Variants in TVP23A observed in about 807,000 individuals in gnomAD.
TVP23A encodes Golgi apparatus membrane protein TVP23 homolog A.
A neutral mutation model predicts 31.7 loss-of-function variants in TVP23A; 21 were observed. The observed-to-expected ratio is 0.66, with a 90% CI of 0.47 to 0.95. The LOEUF is 0.95. Among genes scored for constraint, TVP23A ranks in the 40% least tolerant of loss-of-function variants. TVP23A has a pLI of 0.00. For missense variants in TVP23A, 279 were observed against 255.6 expected, an observed-to-expected ratio of 1.09 and a Z score of -0.62; for synonymous variants, 104 against 96.0, an observed-to-expected ratio of 1.08 and a Z score of -0.49.
intron 2 of TVP23A, among the ~76,000 whole-genome samples, chr16:10,807,858 G>A (rs768666360): frequency 6.6e-6 from 1 of 152,178 alleles, no homozygotes. Context: ...TCTAGAGCCC[G>A]ATTCCAAGGG....
Position 10,775,111 on chromosome 16 carries a change from A to C in TVP23A, c.90-15T>G. ...CCAAGGGGTGTCTAGGAAAGGACCC[A>C]GAAGGCGCCCTCACTCCAAGAGCTA... On this transcript the variant is annotated splice_polypyrimidine_tract_variant and intron_variant, in intron 2 of 7. Transcript: ENST00000299866. The C allele has an allele frequency of 1.9e-6, 3 of 1,600,964 alleles. No individual in the cohort carries two copies. Among genetic ancestry groups the C allele is most frequent in the Non-Finnish European group, 2.6e-6 (3 of 1,174,090 alleles).
intron 2 of TVP23A, among the ~76,000 whole-genome samples, chr16:10,804,049 A>G (rs924757460): frequency 3.5e-4 from 54 of 152,358 alleles, no homozygotes; most frequent in Non-Finnish European, 6.2e-4. Context: ...AGGAAGCAAG[A>G]GAGCAGCATA....
chr16:10,765,355 A>C (rs903303525), downstream of TVP23A, among the ~76,000 whole-genome samples: 6 of 151,510 alleles, frequency 4.0e-5, no homozygotes, highest in Non-Finnish European at 7.4e-5. This position sits in a 1 kb window ranked among gnomAD's most constrained non-coding sequence, Gnocchi z 4.0. Context: ...AAAAAGGAAA[A>C]AATTCACCCA....
At chr16:10,765,147 G>A (rs1008714612), downstream of TVP23A, 2 of 153,728 alleles carry the variant, frequency 1.3e-5, no homozygotes, top group Non-Finnish European at 2.9e-5. The surrounding 1 kb of genome is among the most constrained non-coding windows in gnomAD (Gnocchi z 4.0). Flanking sequence ...TCCAAGAGGT[G>A]TGTCCTTATG....
intron 2 of TVP23A, among the ~76,000 whole-genome samples, chr16:10,815,789 A>C (rs1267980951): frequency 2.0e-5 from 3 of 152,220 alleles, no homozygotes; most frequent in Non-Finnish European, 4.4e-5. Flanking sequence ...ACTCAATAGA[A>C]ATTGAACACA....
At chr16:10,806,172 G>C (rs1234757050) in intron 2 of TVP23A, among the ~76,000 whole-genome samples, 1 of 152,062 alleles carries the variant, frequency 6.6e-6, no homozygotes, top group African/African-American at 2.4e-5. Flanking sequence ...GTGACTCCTC[G>C]TCTCTACTAA....
chr16:10,774,016 GTTCAGCTC>G lies in TVP23A; in HGVS notation c.324+15_324+22del. Reference sequence around the variant, plus strand: ...ACACCCATTATCCCCGCTCTGGTTAGTTCAGCTCGTCATGGAGAATACCTTCCTGGCTT... The same window carrying G: ...ACACCCATTATCCCCGCTCTGGTTAGGTCATGGAGAATACCTTCCTGGCTT... On this transcript the variant is annotated intron_variant, in intron 4 of 7. Transcript: ENST00000299866. 6.3e-7 allele frequency: 1 copy of G among 1,586,072 alleles called. No individual in the cohort carries two copies. Among genetic ancestry groups the G allele is most frequent in the Non-Finnish European group, 8.6e-7 (1 of 1,159,962 alleles).
At chr16:10,778,060 G>A (rs1285766757) in intron 2 of TVP23A, among the ~76,000 whole-genome samples, 2 of 152,026 alleles carry the variant, frequency 1.3e-5, no homozygotes, top group Non-Finnish European at 2.9e-5. Flanking sequence ...ATCACCAGGT[G>A]TGGTGGCTCA....
At chr16:10,809,003 A>G (rs2034071284) in intron 2 of TVP23A, among the ~76,000 whole-genome samples, 1 of 152,188 alleles carries the variant, frequency 6.6e-6, no homozygotes, top group Non-Finnish European at 1.5e-5. Context: ...GACAGTTTCC[A>G]ACTCCAGGAG....
intron 2 of TVP23A, among the ~76,000 whole-genome samples, chr16:10,791,701 G>A (rs1208538891): frequency 1.3e-5 from 2 of 152,148 alleles, no homozygotes; most frequent in Admixed American, 1.3e-4. Flanking sequence ...TCCGCCTCCT[G>A]GGTTCAAGCG....
chr16:10,761,274 T>A, exon 9 of TVP23A: 2 of 1,167,462 alleles, frequency 1.7e-6, no homozygotes, highest in Non-Finnish European at 2.5e-6. Flanking sequence ...TGATCGCAGA[T>A]CCACTGCATT....
chr16:10,803,343 T>C (rs2033800726), intron 2 of TVP23A, among the ~76,000 whole-genome samples: 1 of 149,402 alleles, frequency 6.7e-6, no homozygotes, highest in South Asian at 2.1e-4. Flanking sequence ...CAAAAACACA[T>C]AAATTGAGCT....
rs2142835787 is a variant in TVP23A, at chr16:10,767,306, T to G, written c.*1796A>C. 1 of 399,206 alleles carries G rather than the reference T, an allele frequency of 2.5e-6. No homozygotes were observed. The highest frequency in any genetic ancestry group is 6.3e-4 in the Middle Eastern group (1 of 1,588). The allele number at this position is 399,206 out of a possible 1,614,324, so 24.7% of individuals were successfully genotyped here. ...TAACATGGTCCTAGAGAAACCTGGGTGTGCATAGGAGGGGACTGGAACAAT... is the reference window on the plus strand; with the variant it reads ...TAACATGGTCCTAGAGAAACCTGGGGGTGCATAGGAGGGGACTGGAACAAT... On this transcript the variant is annotated 3_prime_UTR_variant, in exon 8 of 8. Coordinates refer to ENST00000299866, the MANE Select transcript of TVP23A (RefSeq NM_001079512.4). The surrounding 1 kb of genome is among the most constrained non-coding windows in gnomAD (Gnocchi z 4.6).
chr16:10,768,702 G>C lies in TVP23A; in HGVS notation c.*400C>G, dbSNP rs995356254. 1 of 236,140 alleles carries C rather than the reference G, an allele frequency of 4.2e-6. No individual in the cohort carries two copies. The highest frequency in any genetic ancestry group is 8.1e-6 in the Non-Finnish European group (1 of 124,088). The allele number at this position is 236,140 out of a possible 1,614,324, so 14.6% of individuals were successfully genotyped here. ...AGTGGCAGCCATCAGAGGCCCCAGA[G>C]TTAGGGCAGAGGTGTCAGTGTTTGT... is the stretch of plus-strand genomic sequence containing the variant. On this transcript the variant is annotated 3_prime_UTR_variant, in exon 8 of 8. Coordinates refer to ENST00000299866, the MANE Select transcript of TVP23A (RefSeq NM_001079512.4). This position sits in a 1 kb window ranked among gnomAD's most constrained non-coding sequence, Gnocchi z 4.3.
At chr16:10,807,187 A>G (rs2033985704) in intron 2 of TVP23A, among the ~76,000 whole-genome samples, 2 of 152,118 alleles carry the variant, frequency 1.3e-5, no homozygotes, top group South Asian at 4.1e-4. Flanking sequence ...ACAAAGAAAA[A>G]CTAAAAATCT....
In TVP23A at chr16:10,818,559, G is replaced by C. The variant is rs926709903; in HGVS notation, c.-66C>G. 6.4e-7 allele frequency: 1 copy of C among 1,566,844 alleles called. No individual in the cohort carries two copies. The highest frequency in any genetic ancestry group is 1.2e-5 in the South Asian group (1 of 85,912). On this transcript the variant is annotated 5_prime_UTR_variant, in exon 1 of 8. Transcript: ENST00000299866. The surrounding 1 kb of genome is among the most constrained non-coding windows in gnomAD (Gnocchi z 4.7). ...CCAGCTCCGCCCGTCGCCGCTGAAGGGGTCGGACGCCGGGCGGGCGGATGT... is the reference window on the plus strand; with the variant it reads ...CCAGCTCCGCCCGTCGCCGCTGAAGCGGTCGGACGCCGGGCGGGCGGATGT...
At chr16:10,802,889 G>A (rs1015021086) in intron 2 of TVP23A, among the ~76,000 whole-genome samples, 1 of 152,178 alleles carries the variant, frequency 6.6e-6, no homozygotes, top group Admixed American at 6.6e-5. Flanking sequence ...AATTTGAGAT[G>A]TCATTTAAAT....
intron 2 of TVP23A, among the ~76,000 whole-genome samples, chr16:10,804,784 A>C (rs2033865811): frequency 6.6e-6 from 1 of 152,216 alleles, no homozygotes; most frequent in African/African-American, 2.4e-5. Context: ...TCATATTTTT[A>C]AAAACCAATT....
chr16:10,763,415 A>G (rs1352771037), downstream of TVP23A: 2 of 152,280 alleles, frequency 1.3e-5, no homozygotes, highest in African/African-American at 4.8e-5. Flanking sequence ...CAGAGACCCC[A>G]TGTGCCCAGG....
Sources: gnomAD v4.1 joint callset for allele counts (sites outside exome capture counted in the v4.1 genomes callset) on GRCh38, gnomAD v4.1.1 for gene constraint, Gnocchi (gnomAD v3.1) non-coding constraint, MANE v1.5 for transcripts, NCBI Gene and HGNC (gene_info 2026-07-23, HGNC 2026-07-21) for gene names.